Variants in CORO2B observed in about 807,000 individuals in gnomAD.
CORO2B encodes the protein coronin-2B.
In CORO2B, 26 loss-of-function variants were observed where a neutral mutation model predicts 58.8. The observed-to-expected ratio is 0.44, with a 90% CI of 0.32 to 0.61. The LOEUF (loss-of-function observed/expected upper bound fraction) is 0.61, where lower values mean the gene tolerates loss of function less well. CORO2B is among the 20% of genes least tolerant of loss of function. The pLI is 0.04. For missense variants in CORO2B, 460 were observed against 645.1 expected, an observed-to-expected ratio of 0.71 and a Z score of 3.11; for synonymous variants, 242 against 253.8, an observed-to-expected ratio of 0.95 and a Z score of 0.44.
chr15:68,569,792 A>G, the CORO2B span, among the ~76,000 whole-genome samples: 1 of 152,216 alleles, frequency 6.6e-6, no homozygotes, highest in African/African-American at 2.4e-5. Flanking sequence ...CATCTTCCCC[A>G]GCATTTGGTG....
chr15:68,680,540 G>A lies in CORO2B; in HGVS notation c.217-14600G>A, dbSNP rs141847159. Among the ~76,000 whole-genome samples the A allele has an allele frequency of 2.1e-3, 316 of 152,274 alleles. 3 individuals are homozygous for A. The highest frequency in any genetic ancestry group is 7.1e-3 in the African/African-American group (294 of 41,576). On this transcript the variant is annotated intron_variant, in intron 2 of 11. Transcript: ENST00000261861. ...GTACAGTCCATGCAACTGTACAGGGGATCCTGATTAGGTCCACCGTCTATG... is the reference window on the plus strand; with the variant it reads ...GTACAGTCCATGCAACTGTACAGGGAATCCTGATTAGGTCCACCGTCTATG...
At chr15:68,651,265 G>GCC (rs1254120316) in intron 2 of CORO2B, among the ~76,000 whole-genome samples, 1 of 152,208 alleles carries the variant, frequency 6.6e-6, no homozygotes, top group Non-Finnish European at 1.5e-5. Flanking sequence ...TCCCTCTACC[G>GCC]CCCCCTGTGG....
chr15:68,584,931 T>C (rs879063970), intron 1 of CORO2B, among the ~76,000 whole-genome samples: 2 of 109,470 alleles, frequency 1.8e-5, no homozygotes, highest in Admixed American at 1.3e-4. Flanking sequence ...GGGCCTGGAG[T>C]GCGGGACCAG....
At chr15:68,587,049 TAC>T (rs58729813) in intron 1 of CORO2B, among the ~76,000 whole-genome samples, 2,020 of 57,844 alleles carry the variant, frequency 0.035, 30 homozygotes, top group African/African-American at 0.057. Flanking sequence ...GAGATATGTA[TAC>T]ACACACACAC....
At chr15:68,552,272 C>T in the CORO2B span, among the ~76,000 whole-genome samples, 1 of 152,286 alleles carries the variant, frequency 6.6e-6, no homozygotes, top group East Asian at 1.9e-4. Context: ...TTTGCTCTCC[C>T]AGCCTGGGAC....
intron 1 of CORO2B, among the ~76,000 whole-genome samples, chr15:68,589,349 A>AT (rs1214830392): frequency 4.6e-5 from 7 of 152,352 alleles, no homozygotes; most frequent in Middle Eastern, 3.4e-3. Flanking sequence ...AGGGCTATGC[A>AT]TGCCAGTTAG....
chr15:68,669,709 G>A (rs1025575228), intron 2 of CORO2B, among the ~76,000 whole-genome samples: 1 of 152,094 alleles, frequency 6.6e-6, no homozygotes, highest in Non-Finnish European at 1.5e-5. Flanking sequence ...ACCCCTGACA[G>A]TTTCCTGTTA....
rs951058080 is a variant in CORO2B, at chr15:68,650,436, C to A, written c.216+5076C>A. Reference sequence around the variant, plus strand: ...GACATTCCTGGCCAACATGGTGAAACCCCCGTCTCCACTAAAAATACAAAA... The same window carrying A: ...GACATTCCTGGCCAACATGGTGAAAACCCCGTCTCCACTAAAAATACAAAA... On this transcript the variant is annotated intron_variant, in intron 2 of 11. Transcript: ENST00000261861. 1.3e-4 allele frequency among the ~76,000 whole-genome samples: 19 copies of A among 146,478 alleles called. No individual in the cohort carries two copies. The East Asian group carries it at 2.6e-3, about 20-fold the overall frequency.
chr15:68,544,165 C>T, the CORO2B span, among the ~76,000 whole-genome samples: 1 of 152,190 alleles, frequency 6.6e-6, no homozygotes, highest in African/African-American at 2.4e-5. Flanking sequence ...ACTGTGGATC[C>T]ACATCTGGCC....
intron 11 of CORO2B, 75 bp from the exon 12 acceptor site, chr15:68,725,768 G>A (rs1327271247): frequency 1.9e-6 from 3 of 1,582,618 alleles, no homozygotes; most frequent in African/African-American, 2.7e-5. Flanking sequence ...GGCAGCTGGA[G>A]ACTCACCTGG....
intron 1 of CORO2B, among the ~76,000 whole-genome samples, chr15:68,643,816 T>G (rs1015401910): frequency 2.6e-5 from 4 of 152,106 alleles, no homozygotes; most frequent in African/African-American, 9.7e-5. Flanking sequence ...GTCAGATGGA[T>G]CACCTGAGGT....
chr15:68,539,124 A>T, the CORO2B span, among the ~76,000 whole-genome samples: 1 of 152,368 alleles, frequency 6.6e-6, no homozygotes, highest in South Asian at 2.1e-4. Flanking sequence ...GATAAAGGCT[A>T]GCCACAAGAC....
In CORO2B at chr15:68,718,853, G is replaced by C. The variant is rs372990931; in HGVS notation, c.1080+43G>C. ...GGGCTCCAGGAGGGGGGCCTGCATC[G>C]CCTCTTAGCCTGCTCACCACTGACC... On this transcript the variant is annotated intron_variant, in intron 9 of 11. Transcript: ENST00000261861. 5 of 1,475,844 alleles carry C rather than the reference G, an allele frequency of 3.4e-6. No individual in the cohort carries two copies. In the Admixed American group the frequency reaches 8.6e-5, roughly 25 times the overall value. 91.4% of individuals were successfully genotyped at this position (1,475,844 alleles called of 1,614,324 possible).
intron 5 of CORO2B, among the ~76,000 whole-genome samples, 166 bp from the exon 6 acceptor site, chr15:68,713,759 A>G (rs1418533780): frequency 6.6e-6 from 1 of 152,132 alleles, no homozygotes; most frequent in Non-Finnish European, 1.5e-5. Context: ...CTCATCTCCA[A>G]ATCCTTAGCT....
intron 11 of CORO2B, among the ~76,000 whole-genome samples, chr15:68,721,568 T>TG (rs1893161250): frequency 6.6e-6 from 1 of 151,906 alleles, no homozygotes; most frequent in Non-Finnish European, 1.5e-5. Context: ...TAGCCAGGCG[T>TG]GGTGGTGCGC....
At chr15:68,588,364 G>A (rs2140563659) in intron 1 of CORO2B, among the ~76,000 whole-genome samples, 1 of 152,192 alleles carries the variant, frequency 6.6e-6, no homozygotes, top group East Asian at 1.9e-4. Flanking sequence ...TTCCTGTTCT[G>A]TCTATTTTGG....
At position 68,579,116 on chromosome 15, in the gene CORO2B, A is replaced by G. The variant is rs2140551338; in HGVS notation, c.-147A>G. 4 of 981,936 alleles carry G rather than the reference A, an allele frequency of 4.1e-6. No individual in the cohort carries two copies. The highest frequency in any genetic ancestry group is 4.8e-6 in the Non-Finnish European group (4 of 828,594). The allele number at this position is 981,936 out of a possible 1,614,324, so 60.8% of individuals were successfully genotyped here. On this transcript the variant is annotated 5_prime_UTR_variant, in exon 1 of 12. Transcript: ENST00000261861. The stretch of plus-strand genomic sequence containing the variant: ...CGGTCCCTGCGCGCTGCCCGCCCGG[A>G]GCGCAGCCCCCAGGCTCGGCCGAGC...
At chr15:68,705,966 C>T (rs995333694) in intron 3 of CORO2B, among the ~76,000 whole-genome samples, 1 of 152,168 alleles carries the variant, frequency 6.6e-6, no homozygotes, top group Non-Finnish European at 1.5e-5. Flanking sequence ...TCCACAGCCC[C>T]CCATGTGACT....
At chr15:68,605,364 C>T (rs778824853) in intron 1 of CORO2B, among the ~76,000 whole-genome samples, 38 of 152,068 alleles carry the variant, frequency 2.5e-4, no homozygotes, top group Non-Finnish European at 4.3e-4. Flanking sequence ...AATCCAAAGG[C>T]GGGGAAAAAC....
Sources: allele counts gnomAD v4.1 joint callset (sites outside exome capture counted in the v4.1 genomes callset), GRCh38; gene constraint gnomAD v4.1.1; transcripts MANE v1.5; gene names NCBI Gene and HGNC (gene_info 2026-07-23, HGNC 2026-07-21).